Variants in DOK5 observed in about 807,000 individuals in gnomAD.
DOK5 encodes docking protein 5.
Under a neutral mutation model 43.3 loss-of-function variants are expected in DOK5, and 27 were observed. That is an observed-to-expected ratio of 0.62 (90% CI 0.46 to 0.86). The LOEUF is 0.86. Among genes scored for constraint, DOK5 ranks in the 40% least tolerant of loss-of-function variants. DOK5 has a pLI of 0.00. For missense variants in DOK5, 373 were observed against 392.9 expected, an observed-to-expected ratio of 0.95 and a Z score of 0.43; for synonymous variants, 146 against 140.1, an observed-to-expected ratio of 1.04 and a Z score of -0.30.
At chr20:54,484,624 A>C (rs1282761545) in intron 1 of DOK5, among the ~76,000 whole-genome samples, 1 of 152,210 alleles carries the variant, frequency 6.6e-6, no homozygotes, top group Admixed American at 6.5e-5. Flanking sequence ...CAGTCTTCTT[A>C]TATAGCTGCC....
chr20:54,488,101 C>A (rs1600655178), intron 1 of DOK5, among the ~76,000 whole-genome samples: 1 of 152,146 alleles, frequency 6.6e-6, no homozygotes, highest in Admixed American at 6.5e-5. Flanking sequence ...TTCTGTCTAC[C>A]AAAGTGCAGA....
At chr20:54,477,011 C>T (rs1981454878) in intron 1 of DOK5, among the ~76,000 whole-genome samples, 1 of 123,984 alleles carries the variant, frequency 8.1e-6, no homozygotes, top group Non-Finnish European at 1.6e-5. Context: ...TGATCCTGTG[C>T]GTTTGGACAT....
intron 6 of DOK5, among the ~76,000 whole-genome samples, chr20:54,611,239 G>A (rs141869987): frequency 4.6e-4 from 70 of 152,254 alleles, no homozygotes; most frequent in Admixed American, 2.1e-3. Context: ...GCTTTACACT[G>A]TGCTGGGGAC....
At chr20:54,485,130 G>A (rs1409754604) in intron 1 of DOK5, among the ~76,000 whole-genome samples, 2 of 152,298 alleles carry the variant, frequency 1.3e-5, no homozygotes, top group East Asian at 3.9e-4. Context: ...GGGAGTTGGT[G>A]ACCAGCCTGA....
At chr20:54,481,602 A>G (rs576540905) in intron 1 of DOK5, among the ~76,000 whole-genome samples, 8 of 152,298 alleles carry the variant, frequency 5.3e-5, no homozygotes, top group African/African-American at 1.9e-4. Context: ...GTGAAGCTAC[A>G]TGAGGGCTGG....
chr20:54,492,191 C>T (rs1328989414), intron 1 of DOK5, among the ~76,000 whole-genome samples: 1 of 152,014 alleles, frequency 6.6e-6, no homozygotes, highest in Non-Finnish European at 1.5e-5. Context: ...TCTCCAACCC[C>T]AGACTGGTCT....
At chr20:54,496,538 C>T (rs542440501) in intron 1 of DOK5, among the ~76,000 whole-genome samples, 25 of 152,100 alleles carry the variant, frequency 1.6e-4, no homozygotes, top group South Asian at 1.0e-3. Flanking sequence ...GAGGCCAAGG[C>T]GGGTGGATCA....
intron 6 of DOK5, among the ~76,000 whole-genome samples, chr20:54,629,687 A>G (rs904253381): frequency 3.3e-5 from 5 of 152,248 alleles, no homozygotes; most frequent in African/African-American, 1.2e-4. Context: ...GGTGGAGAAG[A>G]CAATCAACAA....
intron 1 of DOK5, among the ~76,000 whole-genome samples, chr20:54,531,672 C>G (rs1983775203): frequency 6.6e-6 from 1 of 152,180 alleles, no homozygotes; most frequent in Non-Finnish European, 1.5e-5. Flanking sequence ...TTTGAAAAAG[C>G]AATCCAGTAA....
Position 54,643,569 on chromosome 20 carries a change from C to T in DOK5, c.847C>T (p.Arg283Cys), listed in dbSNP as rs540597135. ...TRQHSTGQLYRLQDVSSPLKL... is the reference protein window; with the variant it reads ...TRQHSTGQLYCLQDVSSPLKL... ...GCAGCACAGCACGGGACAGCTCTAC[C>T]GCTTGCAAGGTAAGCGTGGGGCTAC... Residue 283 changes from arginine to cysteine, a missense_variant, in exon 7 of 8, where the codon CGC (arginine) becomes TGC (cysteine). Arg to Cys is a radical substitution (Grantham distance 180). Transcript: ENST00000262593. 41 of 1,612,658 alleles carry T rather than the reference C, an allele frequency of 2.5e-5. No individual in the cohort carries two copies. The highest frequency in any genetic ancestry group is 3.2e-5 in the Non-Finnish European group (38 of 1,179,918).
chr20:54,554,614 T>G (rs1600698991), intron 1 of DOK5, among the ~76,000 whole-genome samples: 1 of 152,238 alleles, frequency 6.6e-6, no homozygotes, highest in East Asian at 1.9e-4. Flanking sequence ...GCATGTTCCT[T>G]GAATGCCTAT....
At chr20:54,597,651 A>G (rs1986183217) in intron 5 of DOK5, among the ~76,000 whole-genome samples, 3 of 152,226 alleles carry the variant, frequency 2.0e-5, no homozygotes, top group Non-Finnish European at 1.5e-5. Context: ...TTTTACTTCC[A>G]AACTCCATAG....
intron 6 of DOK5, among the ~76,000 whole-genome samples, chr20:54,631,571 G>C (rs551181341): frequency 6.6e-6 from 1 of 152,220 alleles, no homozygotes; most frequent in African/African-American, 2.4e-5. Context: ...TTGTTTTTCT[G>C]GGTAATGGAT....
intron 7 of DOK5, among the ~76,000 whole-genome samples, chr20:54,649,033 C>T (rs1040386241): frequency 1.3e-5 from 2 of 152,178 alleles, no homozygotes; most frequent in East Asian, 1.9e-4. Flanking sequence ...TATCATAGAT[C>T]GGACCTAAGA....
chr20:54,595,653 C>T lies in DOK5; in HGVS notation c.599+3848C>T, dbSNP rs191500754. 9.2e-5 allele frequency among the ~76,000 whole-genome samples: 14 copies of T among 152,260 alleles called. No individual in the cohort carries two copies. The East Asian group carries it at 2.1e-3, about 23-fold the overall frequency. On this transcript the variant is annotated intron_variant, in intron 5 of 7. Coordinates refer to ENST00000262593, the MANE Select transcript of DOK5 (RefSeq NM_018431.5). Reference sequence around the variant, plus strand: ...CCACTCAATGTTATATCTCCAATATCGTAGGGACATAGAATATTTATTGAT... The same window carrying T: ...CCACTCAATGTTATATCTCCAATATTGTAGGGACATAGAATATTTATTGAT...
chr20:54,572,466 C>T (rs1985314451), intron 2 of DOK5, among the ~76,000 whole-genome samples: 1 of 151,918 alleles, frequency 6.6e-6, no homozygotes. Context: ...CCGGCCGCAA[C>T]ATTCTTATAT....
chr20:54,506,262 A>C (rs73276913), intron 1 of DOK5, among the ~76,000 whole-genome samples: 2,290 of 152,248 alleles, frequency 0.015, 49 homozygotes, highest in African/African-American at 0.052. Flanking sequence ...GAAGAAACAG[A>C]GATAGGGCAA....
intron 2 of DOK5, among the ~76,000 whole-genome samples, chr20:54,584,660 T>C (rs541411333): frequency 6.7e-6 from 1 of 150,206 alleles, no homozygotes; most frequent in East Asian, 1.9e-4. Flanking sequence ...GTATATATAC[T>C]ATAATATATA....
chr20:54,613,242 A>C (rs1026990932), intron 6 of DOK5, among the ~76,000 whole-genome samples: 32 of 146,810 alleles, frequency 2.2e-4, no homozygotes, highest in African/African-American at 8.0e-4. Context: ...CTCTCTCGCC[A>C]TCTCTCTCTC....
Sources: gnomAD v4.1 joint callset for allele counts (sites outside exome capture counted in the v4.1 genomes callset) on GRCh38, gnomAD v4.1.1 for gene constraint, MANE v1.5 for transcripts, NCBI Gene and HGNC (gene_info 2026-07-23, HGNC 2026-07-21) for gene names.